Variants in DMD observed in about 807,000 individuals in gnomAD.
DMD encodes dystrophin.
Under a neutral mutation model 330.1 loss-of-function variants are expected in DMD, and 63 were observed. That is an observed-to-expected ratio of 0.19 (90% CI 0.16 to 0.24). The LOEUF (loss-of-function observed/expected upper bound fraction) is 0.24, where lower values mean the gene tolerates loss of function less well. DMD is among the 10% of genes least tolerant of loss of function. The probability of loss-of-function intolerance (pLI) is 1.00; values close to 1 mark genes in which losing one functional copy is unlikely to be tolerated. For missense variants in DMD, 3,344 were observed against 2,684.1 expected (o/e 1.25, Z -5.43); for synonymous variants, 1,223 against 959.8 (o/e 1.27, Z -5.07).
chrX:32,234,640 T>C (rs949289462), intron 43 of DMD, among the ~76,000 whole-genome samples: 3 of 112,341 alleles, frequency 2.7e-5, no homozygotes, highest in Non-Finnish European at 5.6e-5. Flanking sequence ...TATACTCGTT[T>C]TGATCACATA....
At chrX:31,530,647 C>CTTTTTTTTTT (rs1192286078) in intron 55 of DMD, among the ~76,000 whole-genome samples, 11 of 49,755 alleles carry the variant, frequency 2.2e-4, no homozygotes, top group East Asian at 7.2e-4. Flanking sequence ...ACTGGTTTCT[C>CTTTTTTTTTT]TTTTTTTTTT....
Position 32,097,027 on chromosome X carries a change from A to C in DMD, c.6438+119889T>G, listed in dbSNP as rs1603624992. Among the ~76,000 whole-genome samples the C allele has an allele frequency of 2.7e-5, 3 of 112,040 alleles. No homozygotes were observed. In the South Asian group the frequency reaches 1.1e-3, roughly 42 times the overall value. ...GGGTTCAAGAGTAGTCTACTTAGAAATAATCATTTAACCCCCATTAATGAA... is the reference window on the plus strand; with the variant it reads ...GGGTTCAAGAGTAGTCTACTTAGAACTAATCATTTAACCCCCATTAATGAA... On this transcript the variant is annotated intron_variant, in intron 44 of 78. Coordinates refer to ENST00000357033, the MANE Select transcript of DMD (RefSeq NM_004006.3).
chrX:33,151,819 A>C (rs2048295653), intron 1 of DMD, among the ~76,000 whole-genome samples: 1 of 112,686 alleles, frequency 8.9e-6, no homozygotes, highest in East Asian at 2.8e-4. Context: ...TGATAATTAA[A>C]TAACAAAAAC....
intron 1 of DMD, among the ~76,000 whole-genome samples, chrX:33,025,392 C>T (rs1274931663): frequency 9.1e-6 from 1 of 110,409 alleles, no homozygotes; most frequent in East Asian, 2.9e-4. Flanking sequence ...GAGTTAGGAG[C>T]GAGATGCTGG....
At chrX:32,222,805 A>C (rs2147910346) in intron 43 of DMD, among the ~76,000 whole-genome samples, 1 of 112,289 alleles carries the variant, frequency 8.9e-6, no homozygotes, top group East Asian at 2.8e-4. Flanking sequence ...CAGGACTTAA[A>C]GTATTTAAAT....
chrX:32,050,928 TCCTTGA>T (rs1421258082), intron 44 of DMD, among the ~76,000 whole-genome samples: 2 of 109,541 alleles, frequency 1.8e-5, no homozygotes, highest in African/African-American at 6.7e-5. Flanking sequence ...TGTATAAATA[TCCTTGA>T]AATATGTATT....
At chrX:33,332,848 A>G (rs1361582080) in intron 1 of DMD, among the ~76,000 whole-genome samples, 1 of 111,261 alleles carries the variant, frequency 9.0e-6, no homozygotes, top group Admixed American at 9.6e-5. Flanking sequence ...GAAATACCCA[A>G]TTTTCAAATA....
chrX:32,306,701 A>T, intron 42 of DMD, among the ~76,000 whole-genome samples: 1 of 104,405 alleles, frequency 9.6e-6, no homozygotes. Flanking sequence ...TCCTTCCCTC[A>T]CTCTCTTTCT....
chrX:32,757,480 TG>T (rs1317027941), intron 7 of DMD, among the ~76,000 whole-genome samples: 1 of 111,581 alleles, frequency 9.0e-6, no homozygotes, highest in Non-Finnish European at 1.9e-5. Flanking sequence ...AATCTTGAAT[TG>T]TAGCTCCCGT....
intron 2 of DMD, among the ~76,000 whole-genome samples, chrX:32,892,342 T>C (rs1175662085): frequency 4.5e-5 from 5 of 112,259 alleles, no homozygotes; most frequent in Non-Finnish European, 9.4e-5. Context: ...ATCTGTACCA[T>C]TGTGTGTTTC....
chrX:32,514,529 C>A (rs1294817924), intron 18 of DMD, among the ~76,000 whole-genome samples: 1 of 111,790 alleles, frequency 8.9e-6, no homozygotes, highest in Non-Finnish European at 1.9e-5. Flanking sequence ...ATCACGAGGT[C>A]AGGAGATCGA....
intron 51 of DMD, among the ~76,000 whole-genome samples, chrX:31,770,580 C>G (rs1387773957): frequency 8.9e-6 from 1 of 111,907 alleles, no homozygotes; most frequent in Non-Finnish European, 1.9e-5. Flanking sequence ...AGGAATATCT[C>G]ACTAGCATCC....
chrX:32,606,352 T>C (rs2056699659), intron 12 of DMD, among the ~76,000 whole-genome samples: 1 of 110,075 alleles, frequency 9.1e-6, no homozygotes, highest in Admixed American at 9.7e-5. Context: ...TTGTTCCAAA[T>C]GACAGTATCT....
intron 48 of DMD, among the ~76,000 whole-genome samples, chrX:31,846,909 G>A (rs892382131): frequency 2.7e-5 from 3 of 111,802 alleles, no homozygotes; most frequent in East Asian, 2.8e-4. Flanking sequence ...TGTTATTGGC[G>A]AATAAACAGA....
chrX:32,056,840 C>T (rs1297323488), intron 44 of DMD, among the ~76,000 whole-genome samples: 2 of 110,915 alleles, frequency 1.8e-5, no homozygotes, highest in Middle Eastern at 4.6e-3. Context: ...AGAACAATAC[C>T]GCTGATAAAT....
At chrX:32,630,417 T>C (rs764975503) in intron 11 of DMD, among the ~76,000 whole-genome samples, 3 of 110,893 alleles carry the variant, frequency 2.7e-5, no homozygotes, top group Admixed American at 1.9e-4. Context: ...TAGTCTTATT[T>C]ATATTATATC....
At chrX:32,533,182 T>C (rs1464729565) in intron 17 of DMD, among the ~76,000 whole-genome samples, 2 of 111,557 alleles carry the variant, frequency 1.8e-5, no homozygotes, top group Non-Finnish European at 3.8e-5. Context: ...CAAAATGATA[T>C]GGTTCACAGT....
At chrX:31,897,195 AGTTTACTG>A (rs2094351136) in intron 47 of DMD, among the ~76,000 whole-genome samples, 2 of 111,120 alleles carry the variant, frequency 1.8e-5, no homozygotes, top group South Asian at 7.6e-4. Flanking sequence ...TTCTTGCGAC[AGTTTACTG>A]AGAACGATGA....
At chrX:33,138,603 T>G (rs1203836240) in intron 1 of DMD, among the ~76,000 whole-genome samples, 2 of 111,873 alleles carry the variant, frequency 1.8e-5, no homozygotes, top group Non-Finnish European at 3.8e-5. Flanking sequence ...ATCTCCATTG[T>G]GCTGATTTTT....
Sources: allele counts gnomAD v4.1 joint callset (sites outside exome capture counted in the v4.1 genomes callset), GRCh38; gene constraint gnomAD v4.1.1; transcripts MANE v1.5; gene names NCBI Gene and HGNC (gene_info 2026-07-23, HGNC 2026-07-21).